Variants in FBXO27 observed in about 807,000 individuals in gnomAD.
The protein encoded by FBXO27 is F-box only protein 27.
Under a neutral mutation model 28.3 loss-of-function variants are expected in FBXO27, and 28 were observed. The ratio of observed to expected loss-of-function variants is 0.99; its 90% CI spans 0.73 to 1.36. FBXO27 has a LOEUF of 1.36. FBXO27 is among the 40% of genes most tolerant of loss of function. The probability of loss-of-function intolerance (pLI) is 0.00; values close to 1 mark genes in which losing one functional copy is unlikely to be tolerated. For synonymous variants in FBXO27, 175 were observed against 167.3 expected (o/e 1.05, Z -0.36); for missense variants, 388 against 394.1 (o/e 0.98, Z 0.13).
chr19:39,020,475 C>T (rs1344635656), downstream of FBXO27, among the ~76,000 whole-genome samples: 1 of 151,834 alleles, frequency 6.6e-6, no homozygotes, highest in East Asian at 1.9e-4. Context: ...TCTAATTCAG[C>T]CTCTAGATCA....
At chr19:39,025,890 T>C (rs2072870731) in intron 5 of FBXO27, among the ~76,000 whole-genome samples, 1 of 151,990 alleles carries the variant, frequency 6.6e-6, no homozygotes, top group Non-Finnish European at 1.5e-5. Flanking sequence ...TGGTGGCACG[T>C]GCCTGTAGTC....
At chr19:39,031,148 A>AACCC in intron 3 of FBXO27, 24 bp from the exon 4 acceptor site, 1 of 1,613,064 alleles carries the variant, frequency 6.2e-7, no homozygotes, top group Non-Finnish European at 8.5e-7. Flanking sequence ...AGACAGGGTA[A>AACCC]TGAGAACAGG....
rs1299258811 is a variant in FBXO27 at position 39,025,547 on chromosome 19, TG to T, written c.715del (p.His239ThrfsTer33). ...GCCCATCTTGATGTTGGAGAACACGTGGGTGACCTGTAGGCAGAGGAGGGGC... is the reference window on the plus strand; with the variant it reads ...GCCCATCTTGATGTTGGAGAACACGTGGTGACCTGTAGGCAGAGGAGGGGC... ...WNNNACLHVT[H>X]VFSNIKMGVR... On this transcript the variant is annotated frameshift_variant, in exon 6 of 6. Transcript: ENST00000292853. LOFTEE classifies it low-confidence loss of function (END_TRUNC). 3 of 1,613,574 alleles carry T rather than the reference TG, an allele frequency of 1.9e-6. No homozygotes were observed. Among genetic ancestry groups the T allele is most frequent in the Non-Finnish European group, 2.5e-6 (3 of 1,179,714 alleles).
intron 4 of FBXO27, chr19:39,030,768 A>G (rs1052115179): frequency 1.9e-5 from 9 of 481,424 alleles, no homozygotes; most frequent in Non-Finnish European, 2.3e-5. Context: ...AGGCCCGGCT[A>G]ATTTTTTTTT....
chr19:39,031,567 A>C (rs1474324502), intron 2 of FBXO27, among the ~76,000 whole-genome samples: 9 of 97,280 alleles, frequency 9.3e-5, no homozygotes, highest in South Asian at 3.6e-4. Flanking sequence ...GAACTGCCCC[A>C]CTCCCACCCC....
chr19:39,031,989 C>T lies in FBXO27; in HGVS notation c.239G>A (p.Arg80His). 6.6e-7 allele frequency: 1 copy of T among 1,516,340 alleles called. No individual in the cohort carries two copies. Among genetic ancestry groups the T allele is most frequent in the Non-Finnish European group, 8.8e-7 (1 of 1,141,994 alleles). 93.9% of individuals were successfully genotyped at this position (1,516,340 alleles called of 1,614,324 possible). A position where few individuals can be genotyped will look rare whatever the true frequency, so the allele number is the denominator to read the frequency against. ...ILARDHGATG[R>H]ALLHLARSCQ... The stretch of plus-strand genomic sequence containing the variant: ...GCTGCGGGCGAGGTGCAGCAGCGCG[C>T]GGCCGGTGGCGCCGTGGTCGCGGGC... The change falls in exon 2 of 6, where the codon CGC becomes CAC. Residue 80 changes from arginine to histidine, a missense_variant. By Grantham distance (29) the Arg-to-His change is conservative. Coordinates refer to ENST00000292853, the MANE Select transcript of FBXO27 (RefSeq NM_178820.5).
intron 2 of FBXO27, among the ~76,000 whole-genome samples, chr19:39,012,957 C>T (rs547223964): frequency 3.8e-4 from 53 of 139,120 alleles, no homozygotes; most frequent in African/African-American, 1.3e-3. Flanking sequence ...GAGACCCTGT[C>T]TCAAAACAAA....
rs1330871779 is a variant in FBXO27, at chr19:39,025,541, A to G, written c.722T>C (p.Phe241Ser). The G allele has an allele frequency of 6.2e-7, 1 of 1,613,818 alleles. No individual in the cohort carries two copies. Among genetic ancestry groups the G allele is most frequent in the Admixed American group, 1.7e-5 (1 of 59,958 alleles). ...GCGGACGCCCATCTTGATGTTGGAG[A>G]ACACGTGGGTGACCTGTAGGCAGAG... ...NNACLHVTHV[F>S]SNIKMGVRFV... The change falls in exon 6 of 6, where the codon TTC becomes TCC. Residue 241 changes from phenylalanine to serine, a missense_variant. Phe to Ser is a radical substitution (Grantham distance 155). Transcript: ENST00000292853.
chr19:39,026,986 T>C lies in FBXO27; in HGVS notation c.592A>G (p.Ser198Gly), dbSNP rs1316543674. ...VSDWWGARHD[S>G]GCMYRLLVQL... is the part of the protein sequence containing the mutation. ...ACGAGGAGTCTGTACATACAGCCGC[T>C]GTCGTGTCGGGCTCCCCACCTGTGG... Residue 198 changes from serine to glycine, a missense_variant, in exon 5 of 6, where the codon AGC (serine) becomes GGC (glycine). Transcript: ENST00000292853. The C allele has an allele frequency of 6.2e-7, 1 of 1,614,172 alleles. No individual in the cohort carries two copies. The highest frequency in any genetic ancestry group is 1.7e-5 in the Admixed American group (1 of 59,994).
intron 2 of FBXO27, among the ~76,000 whole-genome samples, chr19:39,008,418 C>T (rs955759512): frequency 8.5e-5 from 13 of 152,102 alleles, no homozygotes; most frequent in African/African-American, 3.1e-4. Context: ...GTAACCGGCT[C>T]TGTTTTTGCC....
At chr19:39,010,320 C>T (rs1053640018) in intron 2 of FBXO27, among the ~76,000 whole-genome samples, 5 of 152,106 alleles carry the variant, frequency 3.3e-5, no homozygotes, top group Non-Finnish European at 7.4e-5. Context: ...CCCAGTTGCA[C>T]TCCTTTGGAT....
chr19:39,007,783 C>T (rs560587769), intron 2 of FBXO27, among the ~76,000 whole-genome samples: 10 of 152,222 alleles, frequency 6.6e-5, no homozygotes, highest in South Asian at 2.1e-4. Context: ...GTTGGGACTA[C>T]GGGCACATGC....
At chr19:39,018,322 TA>T (rs1415345991) in intron 1 of FBXO27, among the ~76,000 whole-genome samples, 1 of 152,208 alleles carries the variant, frequency 6.6e-6, no homozygotes, top group Non-Finnish European at 1.5e-5. Flanking sequence ...ACTACTGTAA[TA>T]ATTTCATAGC....
intron 2 of FBXO27, among the ~76,000 whole-genome samples, chr19:39,007,067 A>AAC (rs1444504016): frequency 2.0e-5 from 3 of 149,604 alleles, no homozygotes; most frequent in Non-Finnish European, 4.4e-5. Context: ...CAAAAAAAAA[A>AAC]AAAAAAAAAA....
chr19:39,015,316 CT>C (rs2072814420), intron 1 of FBXO27, among the ~76,000 whole-genome samples: 1 of 52,124 alleles, frequency 1.9e-5, no homozygotes, highest in Non-Finnish European at 3.0e-5. Flanking sequence ...AAGACTCTGT[CT>C]CAAAAAAAAA....
chr19:39,011,681 C>T (rs989391079), intron 2 of FBXO27, among the ~76,000 whole-genome samples: 14 of 63,456 alleles, frequency 2.2e-4, no homozygotes, highest in Non-Finnish European at 4.3e-4. Flanking sequence ...TTATTTTTCG[C>T]AGAGATGGCG....
At chr19:39,014,207 C>T (rs1445272336) in intron 2 of FBXO27, among the ~76,000 whole-genome samples, 2 of 152,194 alleles carry the variant, frequency 1.3e-5, no homozygotes, top group African/African-American at 4.8e-5. Flanking sequence ...TGAAACAGCA[C>T]AGAGCAGACA....
At chr19:39,011,089 A>G (rs943290747) in intron 2 of FBXO27, among the ~76,000 whole-genome samples, 53 of 152,208 alleles carry the variant, frequency 3.5e-4, no homozygotes, top group Non-Finnish European at 8.8e-5. Context: ...ATTCCATGTG[A>G]ATTTTGAGAT....
chr19:39,030,866 C>A, intron 4 of FBXO27, 163 bp downstream of exon 4: 1 of 687,716 alleles, frequency 1.5e-6, no homozygotes, highest in Non-Finnish European at 2.6e-6. Context: ...CCTCGACCCC[C>A]CAAAGTGCTG....
Sources: allele counts gnomAD v4.1 joint callset (sites outside exome capture counted in the v4.1 genomes callset), GRCh38; gene constraint gnomAD v4.1.1; transcripts MANE v1.5; gene names NCBI Gene and HGNC (gene_info 2026-07-23, HGNC 2026-07-21).